The following GRID1 variants were observed in gnomAD, a reference collection of about 807,000 sequenced individuals.
GRID1 encodes the protein glutamate ionotropic receptor delta type subunit 1.
In GRID1, 28 loss-of-function variants were observed where a neutral mutation model predicts 98.0. That is an observed-to-expected ratio of 0.29 (90% CI 0.21 to 0.39). GRID1 has a LOEUF of 0.39. Ranked by LOEUF, GRID1 falls within the 10% of genes least tolerant of loss-of-function variation. The pLI, the probability that GRID1 is intolerant of heterozygous loss-of-function variation, is 1.00. For missense variants in GRID1, 1,111 were observed against 1,340.5 expected (o/e 0.83, Z 2.67); for synonymous variants, 553 against 538.5 (o/e 1.03, Z -0.37).
intron 5 of GRID1, 111 bp from the exon 6 acceptor site, chr10:85,869,291 C>T: frequency 1.1e-6 from 1 of 892,646 alleles, no homozygotes; most frequent in Non-Finnish European, 1.8e-6. Flanking sequence ...CCAAAGAGGG[C>T]AAGGGATTGG....
intron 12 of GRID1, among the ~76,000 whole-genome samples, chr10:85,696,882 T>C (rs906229557): frequency 4.6e-5 from 7 of 152,096 alleles, no homozygotes; most frequent in Non-Finnish European, 8.8e-5. Flanking sequence ...ATTTAGCTAA[T>C]ACTTCAGTAA....
chr10:86,202,138 G>A (rs548618016), intron 3 of GRID1, among the ~76,000 whole-genome samples: 1 of 152,216 alleles, frequency 6.6e-6, no homozygotes, highest in Admixed American at 6.5e-5. Context: ...CCAGGTCTGC[G>A]AGCTAGCCCA....
intron 4 of GRID1, among the ~76,000 whole-genome samples, chr10:85,992,516 TG>T (rs1401630757): frequency 6.7e-6 from 1 of 150,370 alleles, no homozygotes; most frequent in Non-Finnish European, 1.5e-5. Flanking sequence ...AGGAGGTCAC[TG>T]GGCATGAGCC....
intron 2 of GRID1, among the ~76,000 whole-genome samples, chr10:86,219,355 G>C (rs1262942645): frequency 6.6e-6 from 1 of 152,104 alleles, no homozygotes; most frequent in Non-Finnish European, 1.5e-5. Flanking sequence ...GTTCAACGCT[G>C]CCAACTGCCC....
chr10:86,069,420 G>A (rs7908531), intron 4 of GRID1, among the ~76,000 whole-genome samples: 7,665 of 152,242 alleles, frequency 0.05, 229 homozygotes, highest in Middle Eastern at 0.12. Context: ...AGGCCGAGGC[G>A]GGCGGATCAT....
At position 86,327,572 on chromosome 10, in the gene GRID1, A is replaced by G. The variant is rs1038095472; in HGVS notation, c.235+36369T>C. On this transcript the variant is annotated intron_variant, in intron 2 of 15. Transcript: ENST00000327946. The stretch of plus-strand genomic sequence containing the variant: ...CTGTATCTTACTGGAGAAGAATGCC[A>G]TTGTTAATTGTGTTTGCAGTGAACT... 2.0e-5 allele frequency among the ~76,000 whole-genome samples: 3 copies of G among 152,230 alleles called. No homozygotes were observed. The South Asian group carries it at 6.2e-4, about 32-fold the overall frequency.
intron 3 of GRID1, among the ~76,000 whole-genome samples, chr10:86,197,612 G>A (rs1344242412): frequency 2.6e-5 from 4 of 151,996 alleles, no homozygotes; most frequent in South Asian, 2.1e-4. Context: ...AACGGGGGAC[G>A]ATCTGGACAA....
intron 4 of GRID1, among the ~76,000 whole-genome samples, chr10:85,993,891 AGAT>A (rs35410102): frequency 0.11 from 16,502 of 152,174 alleles, 1,082 homozygotes; most frequent in East Asian, 0.27. Context: ...GATGTTCAGT[AGAT>A]GATGTTTCCT....
chr10:86,288,898 GCCCCACCACTCCCCAGCACTTAGTGGC>G (rs1354126872), intron 2 of GRID1, among the ~76,000 whole-genome samples: 3 of 152,272 alleles, frequency 2.0e-5, no homozygotes, highest in Middle Eastern at 6.8e-3. Flanking sequence ...GAGAACAGAG[GCCCCACCACTCCCCAGCACTTAGTGGC>G]CTCCTGCTCA....
intron 13 of GRID1, among the ~76,000 whole-genome samples, chr10:85,635,217 C>T (rs897382922): frequency 6.6e-6 from 1 of 152,038 alleles, no homozygotes; most frequent in Non-Finnish European, 1.5e-5. Flanking sequence ...ATGCTCAAAA[C>T]CCAAAGCAGA....
At chr10:85,680,292 C>G (rs1841193445) in intron 12 of GRID1, among the ~76,000 whole-genome samples, 1 of 152,158 alleles carries the variant, frequency 6.6e-6, no homozygotes, top group Non-Finnish European at 1.5e-5. Flanking sequence ...TTTCCTTCCT[C>G]CATTCCAGCT....
intron 5 of GRID1, among the ~76,000 whole-genome samples, chr10:85,879,868 C>A (rs1011868894): frequency 6.6e-6 from 1 of 152,014 alleles, no homozygotes; most frequent in Non-Finnish European, 1.5e-5. Context: ...AATTGATAGA[C>A]CGCTAGCAAG....
At position 85,786,511 on chromosome 10, in the gene GRID1, G is replaced by A. The variant is rs184877015; in HGVS notation, c.1234-56897C>T. Among the ~76,000 whole-genome samples the A allele has an allele frequency of 1.3e-4, 20 of 152,296 alleles. No homozygotes were observed. The East Asian group carries it at 3.9e-3, about 29-fold the overall frequency. On this transcript the variant is annotated intron_variant, in intron 8 of 15. Transcript: ENST00000327946. ...TCCACAGGGCAGCAGGGTGCCTCAGGAGGGCAGCAAAGGGCTGGAGAGGAG... is the reference window on the plus strand; with the variant it reads ...TCCACAGGGCAGCAGGGTGCCTCAGAAGGGCAGCAAAGGGCTGGAGAGGAG...
At chr10:85,864,547 A>G (rs138954895) in intron 6 of GRID1, among the ~76,000 whole-genome samples, 2 of 152,308 alleles carry the variant, frequency 1.3e-5, no homozygotes, top group Non-Finnish European at 2.9e-5. Flanking sequence ...ATGCTCCCAT[A>G]TGGGTTTTTA....
At chr10:85,861,421 G>A (rs1417852548) in intron 6 of GRID1, among the ~76,000 whole-genome samples, 1 of 152,224 alleles carries the variant, frequency 6.6e-6, no homozygotes, top group Non-Finnish European at 1.5e-5. Context: ...ACCTTTCAGG[G>A]CTACATGATC....
At chr10:85,743,625 T>C (rs1841971050) in intron 8 of GRID1, among the ~76,000 whole-genome samples, 1 of 152,130 alleles carries the variant, frequency 6.6e-6, no homozygotes, top group African/African-American at 2.4e-5. Context: ...GGGAAAATAT[T>C]GGAAGCTGAA....
At chr10:86,271,122 C>G (rs146574403) in intron 2 of GRID1, among the ~76,000 whole-genome samples, 9 of 152,248 alleles carry the variant, frequency 5.9e-5, no homozygotes, top group Admixed American at 1.3e-4. Context: ...CGCCCCAAAG[C>G]CAGGAGAAGA....
intron 8 of GRID1, among the ~76,000 whole-genome samples, chr10:85,769,406 C>T (rs576120108): frequency 1.1e-4 from 16 of 152,280 alleles, no homozygotes; most frequent in East Asian, 9.7e-4. Context: ...ACACAGAAGA[C>T]GGGTGATTTC....
intron 4 of GRID1, among the ~76,000 whole-genome samples, chr10:85,992,147 T>C (rs1368639001): frequency 2.6e-5 from 4 of 151,830 alleles, no homozygotes; most frequent in Admixed American, 2.6e-4. Context: ...TCCCATCTGA[T>C]GGCTAAATAA....
Sources: allele counts gnomAD v4.1 joint callset (sites outside exome capture counted in the v4.1 genomes callset), GRCh38; gene constraint gnomAD v4.1.1; transcripts MANE v1.5; gene names NCBI Gene and HGNC (gene_info 2026-07-23, HGNC 2026-07-21).